The following SGCZ variants were observed in gnomAD, a reference collection of about 807,000 sequenced individuals.
SGCZ encodes zeta-sarcoglycan.
Under a neutral mutation model 41.3 loss-of-function variants are expected in SGCZ, and 40 were observed. That is an observed-to-expected ratio of 0.97 (90% CI 0.75 to 1.26). SGCZ has a LOEUF of 1.26. Among genes scored for constraint, SGCZ ranks in the 50% most tolerant of loss-of-function variants. The pLI is 0.00. For missense variants in SGCZ, 552 were observed against 369.8 expected (o/e 1.49, Z -4.04); for synonymous variants, 206 against 137.5 (o/e 1.50, Z -3.49).
chr8:14,451,743 G>T (rs756374671), intron 2 of SGCZ, among the ~76,000 whole-genome samples: 21 of 152,144 alleles, frequency 1.4e-4, no homozygotes, highest in Admixed American at 2.6e-4. Flanking sequence ...TATAAAAAAT[G>T]TCCAACATTG....
chr8:14,294,073 C>A (rs1800934025), intron 3 of SGCZ, among the ~76,000 whole-genome samples: 1 of 151,540 alleles, frequency 6.6e-6, no homozygotes, highest in Non-Finnish European at 1.5e-5. Flanking sequence ...TTTCTGTAGC[C>A]AATTATAATA....
In SGCZ at chr8:14,321,020, C is replaced by T. The variant is rs562476159; in HGVS notation, c.336+3083G>A. Among the ~76,000 whole-genome samples the T allele has an allele frequency of 2.0e-5, 3 of 152,098 alleles. No homozygotes were observed. The South Asian group carries it at 6.2e-4, about 32-fold the overall frequency. On this transcript the variant is annotated intron_variant, in intron 3 of 7. Transcript: ENST00000382080. ...TTAAAAAGTCTGAAGATTAGGTGTC[C>T]TAAATTCCCGATATTTGAAATGTTT...
rs375735403 is a variant in SGCZ at position 14,182,920 on chromosome 8, G to A, written c.425-18218C>T. Among the ~76,000 whole-genome samples, 118 of 149,300 alleles carry A rather than the reference G, an allele frequency of 7.9e-4. 1 individual carries two copies. Among genetic ancestry groups the A allele is most frequent in the African/African-American group, 2.7e-3 (109 of 40,480 alleles). Reference sequence around the variant, plus strand: ...AACTAGGTGGGAGGCTGAGACAGGAGAATCGCTTGAACCCAGGAGGCAGAG... The same window carrying A: ...AACTAGGTGGGAGGCTGAGACAGGAAAATCGCTTGAACCCAGGAGGCAGAG... On this transcript the variant is annotated intron_variant, in intron 4 of 7. Coordinates refer to ENST00000382080, the MANE Select transcript of SGCZ (RefSeq NM_139167.4).
intron 1 of SGCZ, among the ~76,000 whole-genome samples, chr8:15,011,608 C>A (rs1802829608): frequency 6.6e-6 from 1 of 152,104 alleles, no homozygotes; most frequent in South Asian, 2.1e-4. Context: ...ATTATTAACT[C>A]CCAGACTATC....
rs1803396418 is a variant in SGCZ, at chr8:14,539,552, A to T, written c.234+15180T>A. On this transcript the variant is annotated intron_variant, in intron 2 of 7. Coordinates refer to ENST00000382080, the MANE Select transcript of SGCZ (RefSeq NM_139167.4). ...GTTTTTCATTTTTTGCTTTTTTTTA[A>T]ACTTATTTTAAGTTCAGGGGTACAA... is the stretch of plus-strand genomic sequence containing the variant. 2.0e-5 allele frequency among the ~76,000 whole-genome samples: 3 copies of T among 151,724 alleles called. No individual in the cohort carries two copies. The South Asian group carries it at 6.2e-4, about 31-fold the overall frequency.
At chr8:14,675,002 G>C (rs932397872) in intron 1 of SGCZ, among the ~76,000 whole-genome samples, 2 of 124,658 alleles carry the variant, frequency 1.6e-5, no homozygotes, top group Non-Finnish European at 3.2e-5. Context: ...ACAGTGGCGT[G>C]AACCCAGCTC....
intron 2 of SGCZ, among the ~76,000 whole-genome samples, chr8:14,463,753 T>C (rs1424850153): frequency 6.6e-6 from 1 of 151,710 alleles, no homozygotes. Context: ...ATGTTTGCTG[T>C]TTTTCTAGAC....
chr8:14,104,857 G>A (rs1382318774), intron 6 of SGCZ, among the ~76,000 whole-genome samples: 3 of 152,118 alleles, frequency 2.0e-5, no homozygotes, highest in Admixed American at 2.0e-4. Flanking sequence ...ATGAAAAGAT[G>A]CCAATTATAT....
chr8:14,924,085 C>T (rs900793231), intron 1 of SGCZ, among the ~76,000 whole-genome samples: 4 of 152,148 alleles, frequency 2.6e-5, no homozygotes, highest in African/African-American at 4.8e-5. Flanking sequence ...GCAGTAAAGC[C>T]ACTCGCACCT....
At chr8:14,340,097 C>G (rs890564589) in intron 2 of SGCZ, among the ~76,000 whole-genome samples, 2 of 152,112 alleles carry the variant, frequency 1.3e-5, no homozygotes, top group African/African-American at 4.8e-5. Flanking sequence ...AAGATATGGT[C>G]AATTACATTT....
chr8:15,177,428 A>G (rs1309349046), intron 1 of SGCZ, among the ~76,000 whole-genome samples: 1 of 152,198 alleles, frequency 6.6e-6, no homozygotes, highest in Non-Finnish European at 1.5e-5. Context: ...GTATTCAGCA[A>G]TTTTCCAGAA....
chr8:14,511,003 T>C (rs1336508981), intron 2 of SGCZ, among the ~76,000 whole-genome samples: 1 of 152,070 alleles, frequency 6.6e-6, no homozygotes, highest in Admixed American at 6.6e-5. Context: ...TTTATAAAGA[T>C]AGATAGAAGA....
At chr8:14,134,448 A>G (rs1803134117) in intron 5 of SGCZ, among the ~76,000 whole-genome samples, 1 of 152,200 alleles carries the variant, frequency 6.6e-6, no homozygotes, top group African/African-American at 2.4e-5. Context: ...ACATATGAAT[A>G]TATTTGACTA....
At chr8:14,867,574 G>A (rs115938302) in intron 1 of SGCZ, among the ~76,000 whole-genome samples, 3,599 of 152,128 alleles carry the variant, frequency 0.024, 51 homozygotes, top group Middle Eastern at 0.048. Flanking sequence ...CACCAAGTGC[G>A]TATAAGCACT....
intron 2 of SGCZ, among the ~76,000 whole-genome samples, chr8:14,527,718 C>T (rs564323845): frequency 2.8e-4 from 43 of 152,146 alleles, no homozygotes; most frequent in South Asian, 4.1e-4. Flanking sequence ...CATGTAAGTA[C>T]TCAATAAGCA....
chr8:14,759,693 T>C (rs1358749903), intron 1 of SGCZ, among the ~76,000 whole-genome samples: 1 of 152,160 alleles, frequency 6.6e-6, no homozygotes, highest in Non-Finnish European at 1.5e-5. Flanking sequence ...CATGGCCAAT[T>C]AGTCCCTTAT....
At chr8:15,232,226 A>G (rs1008784557) in intron 1 of SGCZ, among the ~76,000 whole-genome samples, 1 of 152,232 alleles carries the variant, frequency 6.6e-6, no homozygotes. Context: ...TAAATATTAC[A>G]TAAATGTCCC....
chr8:14,325,549 A>G (rs1389096412), intron 2 of SGCZ, among the ~76,000 whole-genome samples: 4 of 147,610 alleles, frequency 2.7e-5, no homozygotes, highest in Non-Finnish European at 6.0e-5. Context: ...TATATAATAG[A>G]TTATATATAA....
chr8:14,726,322 A>ATATATATATT (rs1563228535), intron 1 of SGCZ, among the ~76,000 whole-genome samples: 1 of 126,954 alleles, frequency 7.9e-6, no homozygotes, highest in Non-Finnish European at 1.6e-5. Flanking sequence ...ATATATATAT[A>ATATATATATT]TCTATATATA....
Sources: gnomAD v4.1 joint callset for allele counts (sites outside exome capture counted in the v4.1 genomes callset) on GRCh38, gnomAD v4.1.1 for gene constraint, MANE v1.5 for transcripts, NCBI Gene and HGNC (gene_info 2026-07-23, HGNC 2026-07-21) for gene names.